The following MRPL15 variants were observed in gnomAD, a reference collection of about 807,000 sequenced individuals.
MRPL15 encodes large ribosomal subunit protein uL15m.
MRPL15 carries 24 observed loss-of-function variants against 28.0 expected under a neutral mutation model. That is an observed-to-expected ratio of 0.86 (90% CI 0.62 to 1.21). MRPL15 has a LOEUF of 1.21. Ranked by LOEUF, MRPL15 falls within the 50% of genes most tolerant of loss-of-function variation. The pLI, the probability that MRPL15 is intolerant of heterozygous loss-of-function variation, is 0.00. For missense variants in MRPL15, 343 were observed against 372.4 expected (o/e 0.92, Z 0.65); for synonymous variants, 124 against 137.0 (o/e 0.90, Z 0.66).
Position 54,137,361 on chromosome 8 carries a change from C to T in MRPL15, c.357C>T (p.Thr119=). The change falls in exon 3 of 5, where the codon ACC becomes ACT. Residue 119 remains threonine (T), a synonymous_variant. Transcript: ENST00000260102. ...ATCCTAGTCAACCTATTGACTTAACCCAGCTTGTCAATGGGAGAGGTGTGA... is the reference window on the plus strand; with the variant it reads ...ATCCTAGTCAACCTATTGACTTAACTCAGCTTGTCAATGGGAGAGGTGTGA... The part of the protein sequence containing the change: ...RVDPSQPIDL[T]QLVNGRGVTI... The T allele has an allele frequency of 6.2e-7, 1 of 1,613,944 alleles. No individual in the cohort carries two copies. Among genetic ancestry groups the T allele is most frequent in the Non-Finnish European group, 8.5e-7 (1 of 1,179,952 alleles).
Position 54,148,028 on chromosome 8 carries a change from T to C in MRPL15, c.*309T>C, listed in dbSNP as rs1811075069. The C allele has an allele frequency of 3.8e-6, 1 of 264,386 alleles. No homozygotes were observed. The highest frequency in any genetic ancestry group is 7.3e-6 in the Non-Finnish European group (1 of 137,206). The allele number at this position is 264,386 out of a possible 1,614,324, so 16.4% of individuals were successfully genotyped here. Reference sequence around the variant, plus strand: ...GATCTTTTCATCCAGGCCTTGTTACTGTTACAGATCAGAATGAAATGCACA... The same window carrying C: ...GATCTTTTCATCCAGGCCTTGTTACCGTTACAGATCAGAATGAAATGCACA... On this transcript the variant is annotated 3_prime_UTR_variant, in exon 5 of 5. Transcript: ENST00000260102.
Position 54,135,419 on chromosome 8 carries a change from G to A in MRPL15, c.108+28G>A, listed in dbSNP as rs1200172678. 12 of 1,516,708 alleles carry A rather than the reference G, an allele frequency of 7.9e-6. No individual in the cohort carries two copies. The African/African-American group carries it at 1.6e-4, about 20-fold the overall frequency. The allele number at this position is 1,516,708 out of a possible 1,614,324, so 94.0% of individuals were successfully genotyped here. A position where few individuals can be genotyped will look rare whatever the true frequency, so the allele number is the denominator to read the frequency against. On this transcript the variant is annotated intron_variant, in intron 1 of 4. Coordinates refer to ENST00000260102, the MANE Select transcript of MRPL15 (RefSeq NM_014175.4). ...AAATGGGTGGTGGCGGTGCGGGGAA[G>A]CGCTGGGGACCCGGGCGATGAAAGC...
chr8:54,142,667 C>T lies in MRPL15; in HGVS notation c.434C>T (p.Ala145Val). Reference sequence around the variant, plus strand: ...GACTGTTTTGACATATTTCAGGGTGCTGACACCTTTACGGCAAAAGTTAAT... The same window carrying T: ...GACTGTTTTGACATATTTCAGGGTGTTGACACCTTTACGGCAAAAGTTAAT... ...DYGVQLVEEG[A>V]DTFTAKVNIE... is the part of the protein sequence containing the mutation. Residue 145 changes from alanine (A) to valine (V), a missense_variant, in exon 4 of 5, where the codon GCT becomes GTT. Physicochemically the swap from Ala to Val is moderately conservative, Grantham distance 64 (BLOSUM62 0). Transcript: ENST00000260102. 1 of 1,613,180 alleles carries T rather than the reference C, an allele frequency of 6.2e-7. No homozygotes were observed. The highest frequency in any genetic ancestry group is 8.5e-7 in the Non-Finnish European group (1 of 1,179,738).
Position 54,135,369 on chromosome 8 carries a change from C to A in MRPL15, c.86C>A (p.Pro29Gln). The A allele has an allele frequency of 6.6e-7, 1 of 1,524,800 alleles. No individual in the cohort carries two copies. The allele number at this position is 1,524,800 out of a possible 1,614,324, so 94.5% of individuals were successfully genotyped here. Reference protein sequence around the residue: ...LPRVSLANLKPNPGSKKPERR... With the variant: ...LPRVSLANLKQNPGSKKPERR... ...CGTGTGAGCCTGGCCAACTTAAAGC[C>A]GAATCCCGGCTCCAAGAAACCGGTA... Residue 29 changes from proline (P) to glutamine (Q), a missense_variant, in exon 1 of 5, where the codon CCG becomes CAG. By Grantham distance (76) the Pro-to-Gln change is moderately conservative. Coordinates refer to ENST00000260102, the MANE Select transcript of MRPL15 (RefSeq NM_014175.4).
At chr8:54,144,915 TAA>T (rs1485799678) in intron 4 of MRPL15, among the ~76,000 whole-genome samples, 21 of 152,194 alleles carry the variant, frequency 1.4e-4, no homozygotes, top group Admixed American at 1.1e-3. Context: ...CCAGCATTTT[TAA>T]AAGAGTCACA....
chr8:54,147,999 C>A lies in MRPL15; in HGVS notation c.*280C>A, dbSNP rs1811074482. ...TTAGAATATTTCTAGTTTGTTTTTT[C>A]AGTGATCTTTTCATCCAGGCCTTGT... On this transcript the variant is annotated 3_prime_UTR_variant, in exon 5 of 5. Transcript: ENST00000260102. The A allele has an allele frequency of 1.9e-5, 6 of 316,158 alleles. No homozygotes were observed. In the South Asian group the frequency reaches 3.4e-4, roughly 18 times the overall value. The allele number at this position is 316,158 out of a possible 1,614,324, so 19.6% of individuals were successfully genotyped here.
At chr8:54,147,149 T>C (rs1173651962) in intron 4 of MRPL15, among the ~76,000 whole-genome samples, 1 of 152,156 alleles carries the variant, frequency 6.6e-6, no homozygotes, top group Non-Finnish European at 1.5e-5. Flanking sequence ...GGAGAATTGC[T>C]TGAACCCATG....
intron 4 of MRPL15, among the ~76,000 whole-genome samples, chr8:54,146,566 A>G (rs72652214): frequency 1.7e-4 from 26 of 152,310 alleles, no homozygotes; most frequent in Non-Finnish European, 3.7e-4. Flanking sequence ...TGTGGATTAC[A>G]TCAGGTAAAC....
At position 54,147,416 on chromosome 8, in the gene MRPL15, TGGA is replaced by T; in HGVS notation, c.589_591del (p.Gly197del). On this transcript the variant is annotated inframe_deletion, in exon 5 of 5. Coordinates refer to ENST00000260102, the MANE Select transcript of MRPL15 (RefSeq NM_014175.4). ...GCAAACCTGTTCCATTCTTTCTTCG[TGGA>T]CAACCCATTCCAAAAAGAATGCTTC... is the stretch of plus-strand genomic sequence containing the variant. 6.2e-7 allele frequency: 1 copy of T among 1,612,896 alleles called. No individual in the cohort carries two copies. Among genetic ancestry groups the T allele is most frequent in the Middle Eastern group, 1.7e-4 (1 of 6,054 alleles).
In MRPL15 at chr8:54,148,357, ATGG is replaced by A. The variant is rs1811082666; in HGVS notation, c.*645_*647del. Among the ~76,000 whole-genome samples, 1 of 152,172 alleles carries A rather than the reference ATGG, an allele frequency of 6.6e-6. No homozygotes were observed. The highest frequency in any genetic ancestry group is 2.4e-5 in the African/African-American group (1 of 41,432). ...GGCCTTTGTTCTTAGAGCTCCCAAG[ATGG>A]TGGTGGCCACTCCCAAGATGGCAGC... is the stretch of plus-strand genomic sequence containing the variant. On this transcript the variant is annotated 3_prime_UTR_variant, in exon 5 of 5. Coordinates refer to ENST00000260102, the MANE Select transcript of MRPL15 (RefSeq NM_014175.4).
chr8:54,139,311 T>C (rs1283778083), intron 3 of MRPL15, among the ~76,000 whole-genome samples: 1 of 152,220 alleles, frequency 6.6e-6, no homozygotes, highest in East Asian at 1.9e-4. Context: ...TTTTTGTACA[T>C]TGTTAATCAA....
At position 54,147,521 on chromosome 8, in the gene MRPL15, A is replaced by G; in HGVS notation, c.693A>G (p.Glu231=). The G allele has an allele frequency of 1.9e-6, 3 of 1,614,198 alleles. No individual in the cohort carries two copies. The highest frequency in any genetic ancestry group is 2.5e-6 in the Non-Finnish European group (3 of 1,180,042). Residue 231 remains glutamate (E), a synonymous_variant, in exon 5 of 5, where the codon GAA becomes GAG. Coordinates refer to ENST00000260102, the MANE Select transcript of MRPL15 (RefSeq NM_014175.4). ...GYLADPAKFP[E]ARLELARKYG... ...TGGCGGATCCTGCCAAATTTCCTGAAGCACGACTTGAACTCGCCAGGAAGT... is the reference window on the plus strand; with the variant it reads ...TGGCGGATCCTGCCAAATTTCCTGAGGCACGACTTGAACTCGCCAGGAAGT...
chr8:54,139,983 A>G (rs1389201153), intron 3 of MRPL15, among the ~76,000 whole-genome samples: 2 of 152,204 alleles, frequency 1.3e-5, no homozygotes, highest in Non-Finnish European at 2.9e-5. Context: ...TTTTAAACAT[A>G]TACCAGTATT....
chr8:54,142,823 T>C, intron 4 of MRPL15, 37 bp downstream of exon 4: 1 of 1,609,982 alleles, frequency 6.2e-7, no homozygotes, highest in Non-Finnish European at 8.5e-7. Flanking sequence ...TCTTTCTCTC[T>C]TTGTCTCATG....
chr8:54,144,545 C>T (rs966815429), intron 4 of MRPL15, among the ~76,000 whole-genome samples: 1 of 152,074 alleles, frequency 6.6e-6, no homozygotes, highest in Non-Finnish European at 1.5e-5. Flanking sequence ...CCGAGATGGA[C>T]GGATCACATG....
intron 4 of MRPL15, among the ~76,000 whole-genome samples, chr8:54,146,184 C>A (rs1386622420): frequency 6.6e-6 from 1 of 152,242 alleles, no homozygotes; most frequent in East Asian, 1.9e-4. Flanking sequence ...AGTGGCCTCA[C>A]GCCTGTAATC....
At chr8:54,141,024 C>T (rs1810915993) in intron 3 of MRPL15, among the ~76,000 whole-genome samples, 1 of 151,914 alleles carries the variant, frequency 6.6e-6, no homozygotes, top group Admixed American at 6.6e-5. Context: ...CCAACTTCTC[C>T]AAAGCTCAGA....
intron 2 of MRPL15, 111 bp downstream of exon 2, chr8:54,136,776 CTT>C: frequency 1.5e-6 from 2 of 1,312,800 alleles, no homozygotes; most frequent in Non-Finnish European, 2.1e-6. Flanking sequence ...TTGAAGCAAA[CTT>C]TTGCTACTGT....
chr8:54,138,035 A>G (rs1328808136), intron 3 of MRPL15, among the ~76,000 whole-genome samples: 1 of 151,632 alleles, frequency 6.6e-6, no homozygotes, highest in Non-Finnish European at 1.5e-5. Context: ...GCTCACTGCA[A>G]CCTCTGCCTC....
Sources: gnomAD v4.1 joint callset for allele counts (sites outside exome capture counted in the v4.1 genomes callset) on GRCh38, gnomAD v4.1.1 for gene constraint, MANE v1.5 for transcripts, NCBI Gene and HGNC (gene_info 2026-07-23, HGNC 2026-07-21) for gene names.